The following UGGT2 variants were observed in gnomAD, a reference collection of about 807,000 sequenced individuals.
UGGT2 encodes UDP-glucose glycoprotein glucosyltransferase 2, also known as UDP-glucose:glycoprotein glucosyltransferase 2.
A neutral mutation model predicts 192.1 loss-of-function variants in UGGT2; 180 were observed. That is an observed-to-expected ratio of 0.94 (90% CI 0.83 to 1.06). The LOEUF is 1.06. UGGT2 is among the 50% of genes least tolerant of loss of function. The pLI is 0.00. For missense variants in UGGT2, 1,849 were observed against 1,795.7 expected (o/e 1.03, Z -0.54); for synonymous variants, 580 against 591.0 (o/e 0.98, Z 0.27).
In UGGT2 at chr13:96,019,128, G is replaced by T. The variant is rs771944298; in HGVS notation, c.485+3912C>A. Among the ~76,000 whole-genome samples, 26 of 133,740 alleles carry T rather than the reference G, an allele frequency of 1.9e-4. 2 individuals are homozygous for T. In the East Asian group the frequency reaches 4.8e-3, roughly 25 times the overall value. 87.7% of individuals were successfully genotyped at this position (133,740 alleles called of 152,430 possible). On this transcript the variant is annotated intron_variant, in intron 4 of 38. Transcript: ENST00000376747. ...TTAACTTTGCCCTACATAGCGGGGG[G>T]GGGGGGGGGGAATGTTTCTGTCAGG...
chr13:95,806,965 G>C (rs1341315390), intron 38 of UGGT2, among the ~76,000 whole-genome samples: 1 of 152,228 alleles, frequency 6.6e-6, no homozygotes, highest in South Asian at 2.1e-4. Flanking sequence ...TTTGTGAATT[G>C]GATTGGGCAA....
chr13:95,955,482 G>T (rs917544406), intron 12 of UGGT2, among the ~76,000 whole-genome samples: 1 of 152,130 alleles, frequency 6.6e-6, no homozygotes, highest in African/African-American at 2.4e-5. Context: ...CTACTCATAA[G>T]GTTCTTTTCT....
chr13:95,923,729 ATTC>A (rs2048923773), intron 20 of UGGT2, among the ~76,000 whole-genome samples: 1 of 152,232 alleles, frequency 6.6e-6, no homozygotes, highest in South Asian at 2.1e-4. Context: ...ATCCATTTGA[ATTC>A]TTGTTGACAC....
At chr13:95,929,583 G>A (rs1277883756) in intron 17 of UGGT2, among the ~76,000 whole-genome samples, 2 of 152,130 alleles carry the variant, frequency 1.3e-5, no homozygotes, top group Non-Finnish European at 2.9e-5. Flanking sequence ...AGTTTGCTTG[G>A]CCTCCAGCTG....
At chr13:95,992,654 A>G (rs757306092) in intron 7 of UGGT2, among the ~76,000 whole-genome samples, 9 of 152,192 alleles carry the variant, frequency 5.9e-5, no homozygotes, top group Non-Finnish European at 7.3e-5. Context: ...ACATATAAGC[A>G]GCCAAGAAAC....
At chr13:95,984,234 T>C (rs1314732898) in intron 9 of UGGT2, among the ~76,000 whole-genome samples, 1 of 152,218 alleles carries the variant, frequency 6.6e-6, no homozygotes, top group Non-Finnish European at 1.5e-5. Context: ...TGAAGAATTT[T>C]TTAGTTAACC....
intron 12 of UGGT2, among the ~76,000 whole-genome samples, chr13:95,966,758 G>T: frequency 6.6e-6 from 1 of 151,890 alleles, no homozygotes; most frequent in East Asian, 1.9e-4. Flanking sequence ...ATGGTTAAAA[G>T]TTTGGAATTC....
intron 2 of UGGT2, among the ~76,000 whole-genome samples, chr13:96,028,243 G>C (rs186060462): frequency 6.6e-6 from 1 of 152,258 alleles, no homozygotes; most frequent in Admixed American, 6.5e-5. Context: ...TTTCAAATGT[G>C]GCACGTCCAA....
intron 1 of UGGT2, among the ~76,000 whole-genome samples, chr13:96,051,877 G>C (rs2053496735): frequency 6.6e-6 from 1 of 152,200 alleles, no homozygotes; most frequent in South Asian, 2.1e-4. Flanking sequence ...TACACTGCTG[G>C]TGGGAATGTA....
chr13:96,039,474 C>G (rs926751258), intron 1 of UGGT2, among the ~76,000 whole-genome samples: 1 of 152,148 alleles, frequency 6.6e-6, no homozygotes, highest in East Asian at 1.9e-4. Flanking sequence ...CCATGAATCA[C>G]ATGCTTAACC....
intron 6 of UGGT2, among the ~76,000 whole-genome samples, chr13:95,997,090 A>G (rs997612660): frequency 6.6e-6 from 1 of 152,162 alleles, no homozygotes; most frequent in Admixed American, 6.5e-5. Flanking sequence ...CTCTAGGACT[A>G]TAAGTAAAAG....
chr13:95,994,283 CTAAAAA>C (rs1368147577), intron 7 of UGGT2, among the ~76,000 whole-genome samples: 1 of 151,566 alleles, frequency 6.6e-6, no homozygotes, highest in Non-Finnish European at 1.5e-5. Context: ...TTAGAACTCC[CTAAAAA>C]TAAAGAAACC....
chr13:95,971,235 T>C (rs887774643), intron 11 of UGGT2, among the ~76,000 whole-genome samples: 4 of 152,216 alleles, frequency 2.6e-5, no homozygotes, highest in Admixed American at 2.0e-4. Context: ...TTCCAAAGTA[T>C]TGGCTGCATA....
chr13:95,864,041 G>A (rs1446321271), intron 30 of UGGT2, among the ~76,000 whole-genome samples: 1 of 152,146 alleles, frequency 6.6e-6, no homozygotes, highest in Non-Finnish European at 1.5e-5. Flanking sequence ...TCTTTGTGAT[G>A]ACAGATGAAT....
At chr13:95,934,947 G>C (rs1275539281) in intron 17 of UGGT2, among the ~76,000 whole-genome samples, 1 of 152,194 alleles carries the variant, frequency 6.6e-6, no homozygotes, top group Non-Finnish European at 1.5e-5. Flanking sequence ...GGGTGCTCCA[G>C]TGTTGGTGCA....
At chr13:95,948,147 A>G in intron 13 of UGGT2, 66 bp from the exon 14 acceptor site, 7 of 1,355,754 alleles carry the variant, frequency 5.2e-6, no homozygotes, top group Non-Finnish European at 7.1e-6. Context: ...TCAAGTTTAG[A>G]CTAATTTTTG....
intron 10 of UGGT2, among the ~76,000 whole-genome samples, chr13:95,980,557 T>A (rs1833971537): frequency 6.6e-6 from 1 of 152,140 alleles, no homozygotes; most frequent in Admixed American, 6.5e-5. Flanking sequence ...ACTAAATAAC[T>A]TATTGATGTA....
At chr13:95,950,902 CCAAA>C (rs1420993025) in intron 12 of UGGT2, among the ~76,000 whole-genome samples, 1 of 151,872 alleles carries the variant, frequency 6.6e-6, no homozygotes, top group African/African-American at 2.4e-5. Flanking sequence ...AATAAACAAA[CCAAA>C]CAAAGTGTGA....
intron 29 of UGGT2, among the ~76,000 whole-genome samples, chr13:95,873,066 C>A (rs9561967): frequency 0.39 from 58,692 of 151,994 alleles, 11,533 homozygotes; most frequent in Middle Eastern, 0.42. Flanking sequence ...AAGGGATTTG[C>A]CTCACAATTC....
Sources: gnomAD v4.1 joint callset for allele counts (sites outside exome capture counted in the v4.1 genomes callset) on GRCh38, gnomAD v4.1.1 for gene constraint, MANE v1.5 for transcripts, NCBI Gene and HGNC (gene_info 2026-07-23, HGNC 2026-07-21) for gene names.